Variants in MCM9 observed in about 807,000 individuals in gnomAD.
MCM9 encodes minichromosome maintenance 9 homologous recombination repair factor.
Under a neutral mutation model 72.8 loss-of-function variants are expected in MCM9, and 55 were observed. That is an observed-to-expected ratio of 0.76 (90% confidence interval 0.61 to 0.95). The LOEUF (loss-of-function observed/expected upper bound fraction) is 0.95, where lower values mean the gene tolerates loss of function less well. Among genes scored for constraint, MCM9 ranks in the 40% least tolerant of loss-of-function variants. The pLI is 0.00. For synonymous variants in MCM9, 480 were observed against 503.4 expected (o/e 0.95, Z 0.62); for missense variants, 1,279 against 1,377.0 (o/e 0.93, Z 1.13).
intron 8 of MCM9, among the ~76,000 whole-genome samples, chr6:118,902,847 T>C (rs922988112): frequency 1.3e-5 from 2 of 152,220 alleles, no homozygotes; most frequent in African/African-American, 4.8e-5. Context: ...TTAAAACTAC[T>C]ATAGTAATCT....
chr6:118,834,031 C>T (rs1458037450), intron 9 of MCM9, among the ~76,000 whole-genome samples: 1 of 151,784 alleles, frequency 6.6e-6, no homozygotes, highest in Non-Finnish European at 1.5e-5. Context: ...CCCCTAGCCC[C>T]CCACCCAGTG....
chr6:118,902,565 C>A (rs1360641405), intron 8 of MCM9, among the ~76,000 whole-genome samples: 1 of 126,100 alleles, frequency 7.9e-6, no homozygotes, highest in African/African-American at 3.1e-5. Flanking sequence ...TAAGAACTTA[C>A]AAATAAATGC....
chr6:118,911,617 T>C lies in MCM9; in HGVS notation c.1150+33A>G, dbSNP rs765964446. ...ACCATTGTGTTAACTTCTGAAGTAA[T>C]GTTAAATTACTTGAAATTGTCACAT... is the stretch of plus-strand genomic sequence containing the variant. On this transcript the variant is annotated intron_variant, in intron 8 of 13. Transcript: ENST00000619706. The C allele has an allele frequency of 8.8e-6, 14 of 1,590,692 alleles. No individual in the cohort carries two copies. In the East Asian group the frequency reaches 1.4e-4, roughly 15 times the overall value.
At chr6:118,822,357 T>C (rs1179125735) in intron 13 of MCM9, among the ~76,000 whole-genome samples, 1 of 152,182 alleles carries the variant, frequency 6.6e-6, no homozygotes, top group African/African-American at 2.4e-5. Flanking sequence ...TTTGCTAGTT[T>C]TTCTTCTAAT....
intron 9 of MCM9, among the ~76,000 whole-genome samples, chr6:118,843,922 AATG>A (rs1341625999): frequency 6.7e-5 from 10 of 148,838 alleles, no homozygotes; most frequent in Non-Finnish European, 1.5e-4. Context: ...AGTTTCTGAA[AATG>A]ATGTGGCAAG....
At chr6:118,893,716 T>C (rs1779106723) in intron 8 of MCM9, among the ~76,000 whole-genome samples, 1 of 152,002 alleles carries the variant, frequency 6.6e-6, no homozygotes, top group African/African-American at 2.4e-5. Context: ...CTACTCCAAA[T>C]ACTACCCGAT....
chr6:118,856,671 G>A, intron 8 of MCM9, 126 bp from the exon 9 acceptor site: 1 of 1,000,130 alleles, frequency 1.0e-6, no homozygotes, highest in Non-Finnish European at 1.4e-6. Context: ...TTGAACACAG[G>A]AGTTCGAGGC....
intron 13 of MCM9, among the ~76,000 whole-genome samples, chr6:118,822,986 G>A (rs956637942): frequency 1.3e-5 from 2 of 152,100 alleles, no homozygotes; most frequent in African/African-American, 2.4e-5. Flanking sequence ...ATCCCAAGTC[G>A]ACTTCAGAAT....
intron 8 of MCM9, among the ~76,000 whole-genome samples, chr6:118,888,339 T>C (rs528064488): frequency 1.4e-4 from 22 of 151,816 alleles, no homozygotes; most frequent in Non-Finnish European, 2.9e-4. Context: ...ACAAAAAAAT[T>C]AGCCGGGTGT....
At chr6:118,917,785 C>T in intron 5 of MCM9, 24 bp from the exon 6 acceptor site, 3 of 1,597,328 alleles carry the variant, frequency 1.9e-6, no homozygotes, top group Middle Eastern at 1.7e-4. Context: ...TCAAGTGAGT[C>T]CAGCAGTAGC....
At chr6:118,840,575 A>G (rs1775286564) in intron 9 of MCM9, among the ~76,000 whole-genome samples, 1 of 152,194 alleles carries the variant, frequency 6.6e-6, no homozygotes, top group East Asian at 1.9e-4. Flanking sequence ...AGACTGTCTG[A>G]CATTTCTATA....
Position 118,814,929 on chromosome 6 carries a change from G to A in MCM9, c.3327C>T (p.Ser1109=). 6.5e-7 allele frequency: 1 copy of A among 1,550,224 alleles called. No homozygotes were observed. Among genetic ancestry groups the A allele is most frequent in the Non-Finnish European group, 8.7e-7 (1 of 1,146,864 alleles). Residue 1109 remains serine (S), a synonymous_variant, in exon 14 of 14, where the codon TCC becomes TCT. Transcript: ENST00000619706. The stretch of plus-strand genomic sequence containing the variant: ...CTTTGGAAACAATCAGTTTCTCGGT[G>A]GACCCACGGAGCTGAAAAGATTTCC... The part of the protein sequence containing the change: ...SKRKSFQLRG[S]TEKLIVSKES...
chr6:118,883,182 CA>C (rs2114401781), intron 8 of MCM9, among the ~76,000 whole-genome samples: 2 of 147,520 alleles, frequency 1.4e-5, no homozygotes, highest in South Asian at 4.3e-4. Flanking sequence ...TTGAAATGTA[CA>C]ATAACTGAAA....
rs1397970942 is a variant in MCM9, at chr6:118,827,977, G to A, written c.1682C>T (p.Ala561Val). Reference protein sequence around the residue: ...QMQRQSDCRNAARTTIRLLES... With the variant: ...QMQRQSDCRNVARTTIRLLES... ...CAACAGCCGAATGGTGGTCCGGGCA[G>A]CGTTCCGGCAATCACTCTGCCTTTG... Residue 561 changes from alanine (A) to valine (V), a missense_variant, in exon 11 of 14, where the codon GCT (alanine) becomes GTT (valine). Physicochemically the swap from Ala to Val is moderately conservative, Grantham distance 64 (BLOSUM62 0). Coordinates refer to ENST00000619706, the MANE Select transcript of MCM9 (RefSeq NM_017696.3). 1 of 1,550,896 alleles carries A rather than the reference G, an allele frequency of 6.4e-7. No individual in the cohort carries two copies. The highest frequency in any genetic ancestry group is 1.4e-5 in the African/African-American group (1 of 73,040).
At chr6:118,838,927 G>C (rs1331859947) in intron 9 of MCM9, among the ~76,000 whole-genome samples, 1 of 152,122 alleles carries the variant, frequency 6.6e-6, no homozygotes, top group Admixed American at 6.6e-5. Context: ...TCTTCTCGAG[G>C]AGTATCTTTG....
At chr6:118,858,513 G>A (rs1776708390) in intron 8 of MCM9, among the ~76,000 whole-genome samples, 2 of 151,972 alleles carry the variant, frequency 1.3e-5, no homozygotes, top group South Asian at 2.1e-4. Context: ...TCTAGCCACT[G>A]AAATAAGGCA....
At chr6:118,893,903 C>T in intron 8 of MCM9, 2 of 415,314 alleles carry the variant, frequency 4.8e-6, no homozygotes, top group Non-Finnish European at 6.4e-6. Flanking sequence ...GAGGGGCGGG[C>T]GTCGGCCGGA....
intron 2 of MCM9, among the ~76,000 whole-genome samples, chr6:118,932,388 A>G (rs1263385576): frequency 6.6e-6 from 1 of 152,240 alleles, no homozygotes; most frequent in African/African-American, 2.4e-5. Context: ...TTTACATAAT[A>G]TATGTAAGAG....
At chr6:118,819,060 T>C (rs2114504164) in intron 13 of MCM9, among the ~76,000 whole-genome samples, 1 of 152,248 alleles carries the variant, frequency 6.6e-6, no homozygotes, top group South Asian at 2.1e-4. Flanking sequence ...TCATGTCATC[T>C]GCAAACAGAG....
Sources: allele counts gnomAD v4.1 joint callset (sites outside exome capture counted in the v4.1 genomes callset), GRCh38; gene constraint gnomAD v4.1.1; transcripts MANE v1.5; gene names NCBI Gene and HGNC (gene_info 2026-07-23, HGNC 2026-07-21).